Variants in ZFP14 observed in about 807,000 individuals in gnomAD.
ZFP14 encodes the protein ZFP14 zinc finger protein.
Under a neutral mutation model 54.5 loss-of-function variants are expected in ZFP14, and 22 were observed. That is an observed-to-expected ratio of 0.40 (90% CI 0.29 to 0.58). The LOEUF is 0.58. Among genes scored for constraint, ZFP14 ranks in the 20% least tolerant of loss-of-function variants. The probability of loss-of-function intolerance (pLI) is 0.39; values close to 1 mark genes in which losing one functional copy is unlikely to be tolerated. For synonymous variants in ZFP14, 159 were observed against 204.0 expected (o/e 0.78, Z 1.88); for missense variants, 470 against 637.8 (o/e 0.74, Z 2.83).
intron 3 of ZFP14, among the ~76,000 whole-genome samples, chr19:36,361,507 T>G (rs1289210905): frequency 6.6e-6 from 1 of 151,826 alleles, no homozygotes; most frequent in Non-Finnish European, 1.5e-5. Context: ...CCTAAAGTGC[T>G]AGGATTACAG....
chr19:36,368,554 G>A (rs1327351129), intron 1 of ZFP14, among the ~76,000 whole-genome samples: 2 of 152,160 alleles, frequency 1.3e-5, no homozygotes, highest in Non-Finnish European at 2.9e-5. Context: ...TGACCAGGTC[G>A]CCCTCTAGCA....
chr19:36,347,692 G>T (rs2031443672), intron 4 of ZFP14, among the ~76,000 whole-genome samples: 1 of 152,104 alleles, frequency 6.6e-6, no homozygotes, highest in Admixed American at 6.6e-5. Context: ...CAAAACTTGA[G>T]AAAGCACTCA....
chr19:36,375,995 A>AT (rs891211382), intron 1 of ZFP14, among the ~76,000 whole-genome samples: 2,775 of 147,546 alleles, frequency 0.019, 50 homozygotes, highest in African/African-American at 0.063. Flanking sequence ...GCCCGGCCAG[A>AT]TTTTTTTTTT....
Position 36,362,140 on chromosome 19 carries a change from C to T in ZFP14, c.108G>A (p.Trp36Ter), listed in dbSNP as rs1365100323. The T allele has an allele frequency of 6.2e-7, 1 of 1,607,150 alleles. No individual in the cohort carries two copies. The highest frequency in any genetic ancestry group is 1.1e-5 in the South Asian group (1 of 90,110). ...GTGAAATGAAGTTGCTGTAGTTCTCCCACATTACATCCCTATATAAGTCCC... is the reference window on the plus strand; with the variant it reads ...GTGAAATGAAGTTGCTGTAGTTCTCTCACATTACATCCCTATATAAGTCCC... ...AQRDLYRDVM[W>*]ENYSNFISLG... Residue 36 changes from tryptophan (W) to a stop codon, truncating the protein, a stop_gained, in exon 3 of 5, where the codon TGG (tryptophan) becomes TGA (stop). Transcript: ENST00000270001. LOFTEE classifies it high-confidence loss of function.
intron 1 of ZFP14, among the ~76,000 whole-genome samples, chr19:36,373,977 G>GA (rs927194101): frequency 6.7e-6 from 1 of 148,934 alleles, no homozygotes. Flanking sequence ...AAAAAGAAAA[G>GA]AAAAAAATGA....
chr19:36,376,171 C>T (rs2031959491), intron 1 of ZFP14, among the ~76,000 whole-genome samples: 1 of 152,112 alleles, frequency 6.6e-6, no homozygotes, highest in Non-Finnish European at 1.5e-5. Context: ...TAAGATACTA[C>T]ATATAAGGCA....
At chr19:36,378,299 G>A (rs1219971833) in intron 1 of ZFP14, 1 of 152,252 alleles carries the variant, frequency 6.6e-6, no homozygotes, top group Non-Finnish European at 1.5e-5. Flanking sequence ...AGCAAAGCAA[G>A]TCTAGAACAT....
At chr19:36,371,965 G>C (rs2031883258) in intron 1 of ZFP14, among the ~76,000 whole-genome samples, 1 of 115,072 alleles carries the variant, frequency 8.7e-6, no homozygotes, top group African/African-American at 3.3e-5. Context: ...GAAAGGAAGG[G>C]AGATAAGAAG....
At chr19:36,359,178 CG>C (rs542077731) in intron 4 of ZFP14, among the ~76,000 whole-genome samples, 297 of 152,220 alleles carry the variant, frequency 2.0e-3, no homozygotes, top group African/African-American at 6.8e-3. Context: ...AATGATCATA[CG>C]GTCTTTCATT....
At chr19:36,361,225 G>A (rs1471290031) in intron 3 of ZFP14, among the ~76,000 whole-genome samples, 1 of 152,064 alleles carries the variant, frequency 6.6e-6, no homozygotes, top group East Asian at 1.9e-4. Flanking sequence ...TCTGTTACAG[G>A]AAACAGAATG....
chr19:36,341,551 T>C lies in ZFP14; in HGVS notation c.275A>G (p.Glu92Gly). The C allele has an allele frequency of 1.9e-6, 3 of 1,598,566 alleles. No individual in the cohort carries two copies. The highest frequency in any genetic ancestry group is 2.6e-6 in the Non-Finnish European group (3 of 1,174,962). The change falls in exon 5 of 5, where the codon GAA (glutamate) becomes GGA (glycine). Residue 92 changes from glutamate (E) to glycine (G), a missense_variant. Coordinates refer to ENST00000270001, the MANE Select transcript of ZFP14 (RefSeq NM_020917.3). This position sits in a 1 kb window ranked among gnomAD's most constrained non-coding sequence, Gnocchi z 4.2. Reference sequence around the variant, plus strand: ...TGAATATATTTCATAAATGTCCTTTTCTGGAGATAAAGTATTGGTCCTGTA... The same window carrying C: ...TGAATATATTTCATAAATGTCCTTTCCTGGAGATAAAGTATTGGTCCTGTA... ...SRYRTNTLSP[E>G]KDIYEIYSFQ...
chr19:36,340,001 G>A lies in ZFP14; in HGVS notation c.*223C>T, dbSNP rs2145537613. The A allele has an allele frequency of 2.4e-6, 1 of 414,190 alleles. No individual in the cohort carries two copies. Among genetic ancestry groups the A allele is most frequent in the East Asian group, 3.8e-5 (1 of 26,300 alleles). 25.7% of individuals were successfully genotyped at this position (414,190 alleles called of 1,614,324 possible). ...AATCAAGTGGAGAAAGGGAGATAAT[G>A]ACAGATAAGGCTAAAGATTTTCCTA... is the stretch of plus-strand genomic sequence containing the variant. On this transcript the variant is annotated 3_prime_UTR_variant, in exon 5 of 5. Coordinates refer to ENST00000270001, the MANE Select transcript of ZFP14 (RefSeq NM_020917.3). The surrounding 1 kb of genome is among the most constrained non-coding windows in gnomAD (Gnocchi z 5.4).
intron 4 of ZFP14, among the ~76,000 whole-genome samples, chr19:36,343,550 A>C (rs938621541): frequency 1.2e-4 from 18 of 152,216 alleles, no homozygotes; most frequent in Non-Finnish European, 1.8e-4. Context: ...ATTTAAGTCT[A>C]TGCACTTTAC....
In ZFP14 at chr19:36,341,805, A is replaced by C. The variant is rs1466007440; in HGVS notation, c.236-215T>G. ...TATCTTCTACAAAAGTACACACTAA[A>C]AATTACTGTGTTCAGAAGAAAAATA... On this transcript the variant is annotated intron_variant, in intron 4 of 4. Transcript: ENST00000270001. The surrounding 1 kb of genome is among the most constrained non-coding windows in gnomAD (Gnocchi z 4.2). Among the ~76,000 whole-genome samples the C allele has an allele frequency of 6.6e-6, 1 of 152,208 alleles. No homozygotes were observed. The highest frequency in any genetic ancestry group is 1.5e-5 in the Non-Finnish European group (1 of 68,036).
At position 36,339,667 on chromosome 19, in the gene ZFP14, C is replaced by A. The variant is rs1017953556; in HGVS notation, c.*557G>T. The A allele has an allele frequency of 1.4e-4, 22 of 152,330 alleles. No homozygotes were observed. The highest frequency in any genetic ancestry group is 5.1e-4 in the African/African-American group (21 of 41,442). The allele number at this position is 152,330 out of a possible 1,614,324, so 9.4% of individuals were successfully genotyped here. A position where few individuals can be genotyped will look rare whatever the true frequency, so the allele number is the denominator to read the frequency against. On this transcript the variant is annotated 3_prime_UTR_variant, in exon 5 of 5. Transcript: ENST00000270001. ...CAATGCAACAGGCCTCACGGAAATA[C>A]ATTGGGTAACAACTATGTTAGTCTG...
intron 4 of ZFP14, among the ~76,000 whole-genome samples, chr19:36,359,944 C>G (rs986753522): frequency 1.3e-5 from 2 of 152,112 alleles, no homozygotes; most frequent in Non-Finnish European, 2.9e-5. Context: ...AGTGAGCCAC[C>G]ACGCCCAGCC....
rs1386568000 is a variant in ZFP14 at position 36,340,666 on chromosome 19, T to C, written c.1160A>G (p.Gln387Arg). Residue 387 changes from glutamine (Q) to arginine (R), a missense_variant, in exon 5 of 5, where the codon CAG becomes CGG. Transcript: ENST00000270001. The surrounding 1 kb of genome is among the most constrained non-coding windows in gnomAD (Gnocchi z 5.4). The stretch of plus-strand genomic sequence containing the variant: ...GGGTTTCTCACGAGTATGTATTCTC[T>C]GATGGCGAACTAGTTGTTGTCTTAA... Reference protein sequence around the residue: ...FRLRQQLVRHQRIHTREKPYE... With the variant: ...FRLRQQLVRHRRIHTREKPYE... 1 of 1,614,152 alleles carries C rather than the reference T, an allele frequency of 6.2e-7. No homozygotes were observed. Among genetic ancestry groups the C allele is most frequent in the South Asian group, 1.1e-5 (1 of 91,082 alleles).
Position 36,367,962 on chromosome 19 carries a change from T to C in ZFP14, c.-70A>G. On this transcript the variant is annotated 5_prime_UTR_variant, in exon 2 of 5. Coordinates refer to ENST00000270001, the MANE Select transcript of ZFP14 (RefSeq NM_020917.3). The stretch of plus-strand genomic sequence containing the variant: ...CTGTTGGAGAACTATGGAGTCCTGA[T>C]AAGCCAGAGCTGAAAGAAGAAAAAG... The C allele has an allele frequency of 6.5e-7, 1 of 1,541,270 alleles. No individual in the cohort carries two copies. Among genetic ancestry groups the C allele is most frequent in the Non-Finnish European group, 8.8e-7 (1 of 1,140,160 alleles).
At chr19:36,365,793 T>C (rs1276955629) in intron 2 of ZFP14, among the ~76,000 whole-genome samples, 1 of 151,976 alleles carries the variant, frequency 6.6e-6, no homozygotes, top group Non-Finnish European at 1.5e-5. Flanking sequence ...ACCCCATCTC[T>C]ACAAAAAATT....
Sources: gnomAD v4.1 joint callset for allele counts (sites outside exome capture counted in the v4.1 genomes callset) on GRCh38, gnomAD v4.1.1 for gene constraint, Gnocchi (gnomAD v3.1) non-coding constraint, MANE v1.5 for transcripts, NCBI Gene and HGNC (gene_info 2026-07-23, HGNC 2026-07-21) for gene names.